FGD6: variants seen among roughly 807,000 people sequenced by gnomAD.
FGD6 encodes FYVE, RhoGEF and PH domain-containing protein 6.
In FGD6, 90 loss-of-function variants were observed where a neutral mutation model predicts 149.4. That is an observed-to-expected ratio of 0.60 (90% confidence interval 0.51 to 0.72). FGD6 has a LOEUF of 0.72. Ranked by LOEUF, FGD6 falls within the 30% of genes least tolerant of loss-of-function variation. The probability of loss-of-function intolerance (pLI) is 0.00; values close to 1 mark genes in which losing one functional copy is unlikely to be tolerated. For synonymous variants in FGD6, 527 were observed against 584.0 expected, an observed-to-expected ratio of 0.90 and a Z score of 1.41; for missense variants, 1,437 against 1,684.8, an observed-to-expected ratio of 0.85 and a Z score of 2.57.
intron 2 of FGD6, among the ~76,000 whole-genome samples, chr12:95,199,220 G>C (rs570560232): frequency 6.6e-6 from 1 of 152,126 alleles, no homozygotes; most frequent in South Asian, 2.1e-4. Flanking sequence ...GGGCAAAGTC[G>C]ACAAGTCTTC....
At chr12:95,159,438 C>T (rs1880573692) in intron 3 of FGD6, among the ~76,000 whole-genome samples, 1 of 152,144 alleles carries the variant, frequency 6.6e-6, no homozygotes, top group Non-Finnish European at 1.5e-5. Flanking sequence ...ATAAATTGTT[C>T]ATGCTTCAAA....
chr12:95,156,713 G>A (rs1051561267), intron 3 of FGD6, among the ~76,000 whole-genome samples: 1 of 151,908 alleles, frequency 6.6e-6, no homozygotes, highest in Admixed American at 6.6e-5. Context: ...CTGGTTTTAC[G>A]GCTCAGGGGG....
At chr12:95,112,037 C>T (rs1007006332) in intron 9 of FGD6, among the ~76,000 whole-genome samples, 5 of 151,832 alleles carry the variant, frequency 3.3e-5, no homozygotes, top group African/African-American at 1.2e-4. Context: ...AGTTCGAGAC[C>T]AGCCTGGGCA....
chr12:95,177,060 T>C (rs1881154482), intron 2 of FGD6, among the ~76,000 whole-genome samples: 1 of 152,154 alleles, frequency 6.6e-6, no homozygotes, highest in Non-Finnish European at 1.5e-5. Context: ...ACTCCTGGCC[T>C]CAGGTGATCT....
At chr12:95,163,935 T>C (rs189605690) in intron 3 of FGD6, among the ~76,000 whole-genome samples, 1 of 152,272 alleles carries the variant, frequency 6.6e-6, no homozygotes, top group East Asian at 1.9e-4. Flanking sequence ...GTAAGAACAA[T>C]GACTGATTGT....
intron 2 of FGD6, among the ~76,000 whole-genome samples, chr12:95,190,422 G>A (rs974400987): frequency 2.6e-5 from 4 of 152,038 alleles, no homozygotes; most frequent in African/African-American, 7.2e-5. Context: ...TGCCTGCCTC[G>A]GCCTCCCAAA....
At position 95,210,708 on chromosome 12, in the gene FGD6, T is replaced by C; in HGVS notation, c.576A>G (p.Pro192=). 6.2e-7 allele frequency: 1 copy of C among 1,613,880 alleles called. No individual in the cohort carries two copies. The highest frequency in any genetic ancestry group is 1.3e-5 in the African/African-American group (1 of 75,038). ...TGTGCTTCTGTGCAGAAATAAAAGG[T>C]GGCATTTGGTGTATTAAGGCATCTT... ...ELKDALIHQM[P]PFISAQKHRP... The change falls in exon 2 of 21, where the codon CCA becomes CCG. Residue 192 remains proline (P), a synonymous_variant. Coordinates refer to ENST00000343958, the MANE Select transcript of FGD6 (RefSeq NM_018351.4).
intron 2 of FGD6, among the ~76,000 whole-genome samples, chr12:95,187,647 G>GT (rs1483752160): frequency 7.0e-6 from 1 of 142,234 alleles, no homozygotes; most frequent in Non-Finnish European, 1.5e-5. Flanking sequence ...GCGAGGCTGC[G>GT]TCCCCAAAAA....
intron 3 of FGD6, among the ~76,000 whole-genome samples, chr12:95,153,268 C>T (rs956528265): frequency 1.3e-5 from 2 of 152,228 alleles, no homozygotes; most frequent in Non-Finnish European, 2.9e-5. Flanking sequence ...ATGCAACCAT[C>T]AGTGGTTCAA....
At position 95,172,035 on chromosome 12, in the gene FGD6, AG is replaced by A. The variant is rs776447160; in HGVS notation, c.2586+564del. On this transcript the variant is annotated intron_variant, in intron 3 of 20. Coordinates refer to ENST00000343958, the MANE Select transcript of FGD6 (RefSeq NM_018351.4). The stretch of plus-strand genomic sequence containing the variant: ...GGTAGCAGTACAGGGAACAATTCTA[AG>A]GGGGGGGGGGTTGTTATCAAAAAGC... Among the ~76,000 whole-genome samples, 5 of 35,828 alleles carry A rather than the reference AG, an allele frequency of 1.4e-4. 1 individual carries two copies. The highest frequency in any genetic ancestry group is 1.3e-3 in the South Asian group (1 of 746). The allele number at this position is 35,828 out of a possible 152,430, so 23.5% of individuals were successfully genotyped here. A position where few individuals can be genotyped will look rare whatever the true frequency, so the allele number is the denominator to read the frequency against.
At chr12:95,164,305 G>T (rs747667374) in intron 3 of FGD6, among the ~76,000 whole-genome samples, 4 of 149,894 alleles carry the variant, frequency 2.7e-5, no homozygotes, top group African/African-American at 9.8e-5. Flanking sequence ...GCAGTGGCAC[G>T]ATCTCGGCTC....
At chr12:95,205,847 C>T (rs1458672499) in intron 2 of FGD6, among the ~76,000 whole-genome samples, 1 of 152,176 alleles carries the variant, frequency 6.6e-6, no homozygotes, top group Non-Finnish European at 1.5e-5. Context: ...GTTGCAGGCT[C>T]CCTGCTGCAG....
chr12:95,100,603 A>G, intron 14 of FGD6: 2 of 488,072 alleles, frequency 4.1e-6, no homozygotes, highest in South Asian at 3.1e-5. Context: ...CTCCTGTGGC[A>G]TTCTTTTTTC....
At chr12:95,129,157 T>C (rs1592844291) in intron 8 of FGD6, among the ~76,000 whole-genome samples, 1 of 152,096 alleles carries the variant, frequency 6.6e-6, no homozygotes, top group Non-Finnish European at 1.5e-5. Context: ...GGAGGAAAAT[T>C]TGCTGGCAGA....
chr12:95,207,556 A>G (rs2056699467), intron 2 of FGD6, among the ~76,000 whole-genome samples: 1 of 152,192 alleles, frequency 6.6e-6, no homozygotes, highest in South Asian at 2.1e-4. Flanking sequence ...ACAATGGAAA[A>G]GCTACCTATG....
intron 2 of FGD6, among the ~76,000 whole-genome samples, chr12:95,203,268 G>A (rs2056672177): frequency 6.6e-6 from 1 of 152,162 alleles, no homozygotes; most frequent in Non-Finnish European, 1.5e-5. Flanking sequence ...GTTGAATTCT[G>A]GTGCTTGAAG....
rs143332876 is a variant in FGD6 at position 95,164,817 on chromosome 12, A to G, written c.2586+7783T>C. Among the ~76,000 whole-genome samples, 941 of 152,308 alleles carry G rather than the reference A, an allele frequency of 6.2e-3. 15 individuals carry two copies. The highest frequency in any genetic ancestry group is 0.021 in the African/African-American group (890 of 41,574). On this transcript the variant is annotated intron_variant, in intron 3 of 20. Transcript: ENST00000343958. ...TAAAAAACAAAAAATGTTAACATCCAGACTGCCTGAGAAACATCTCTTTAT... is the reference window on the plus strand; with the variant it reads ...TAAAAAACAAAAAATGTTAACATCCGGACTGCCTGAGAAACATCTCTTTAT...
At chr12:95,144,930 C>T (rs1280424023) in intron 5 of FGD6, among the ~76,000 whole-genome samples, 5 of 150,030 alleles carry the variant, frequency 3.3e-5, no homozygotes, top group African/African-American at 1.2e-4. Flanking sequence ...CTCAGGTGAT[C>T]TACCTGCCTC....
intron 2 of FGD6, among the ~76,000 whole-genome samples, chr12:95,192,824 T>G (rs76098499): frequency 0.046 from 7,029 of 152,224 alleles, 245 homozygotes; most frequent in East Asian, 0.15. Context: ...GAAAAGGGTT[T>G]TTTAGGTAGT....
Sources: allele counts gnomAD v4.1 joint callset (sites outside exome capture counted in the v4.1 genomes callset), GRCh38; gene constraint gnomAD v4.1.1; transcripts MANE v1.5; gene names NCBI Gene and HGNC (gene_info 2026-07-23, HGNC 2026-07-21).